The following MYO18B variants were observed in gnomAD, a reference collection of about 807,000 sequenced individuals.
The protein encoded by MYO18B is myosin XVIIIB.
In MYO18B, 204 loss-of-function variants were observed where a neutral mutation model predicts 273.0. The ratio of observed to expected loss-of-function variants is 0.75; its 90% CI spans 0.67 to 0.84. MYO18B has a LOEUF of 0.84. MYO18B is among the 40% of genes least tolerant of loss of function. The pLI, the probability that MYO18B is intolerant of heterozygous loss-of-function variation, is 0.00. For synonymous variants in MYO18B, 1,330 were observed against 1,305.7 expected, an observed-to-expected ratio of 1.02 and a Z score of -0.40; for missense variants, 3,212 against 3,287.6, an observed-to-expected ratio of 0.98 and a Z score of 0.56.
At chr22:25,866,189 A>G (rs917346603) in intron 21 of MYO18B, among the ~76,000 whole-genome samples, 3 of 133,582 alleles carry the variant, frequency 2.2e-5, no homozygotes, top group Non-Finnish European at 4.6e-5. Flanking sequence ...GAGCATTGCA[A>G]TTACTTTTCT....
intron 29 of MYO18B, chr22:25,899,484 G>A (rs1267481797): frequency 6.6e-6 from 1 of 152,198 alleles, no homozygotes; most frequent in Non-Finnish European, 1.5e-5. Context: ...GTAGGAAGGA[G>A]AATTATATTT....
At chr22:26,046,738 C>T in the MYO18B span, among the ~76,000 whole-genome samples, 13 of 152,326 alleles carry the variant, frequency 8.5e-5, no homozygotes, top group South Asian at 2.1e-4. Context: ...AGAATTCTTC[C>T]GTGGCTCCCT....
chr22:25,995,882 G>C (rs12170564), intron 40 of MYO18B, among the ~76,000 whole-genome samples: 1 of 152,122 alleles, frequency 6.6e-6, no homozygotes, highest in Non-Finnish European at 1.5e-5. Flanking sequence ...TTTTTCCCTT[G>C]ACTGGATCTC....
chr22:26,016,475 C>T (rs1935335120), intron 42 of MYO18B, among the ~76,000 whole-genome samples: 1 of 152,156 alleles, frequency 6.6e-6, no homozygotes, highest in African/African-American at 2.4e-5. Flanking sequence ...ATGGAGAACT[C>T]ACTTTAGATT....
At chr22:25,996,970 A>G (rs1210122329) in intron 40 of MYO18B, among the ~76,000 whole-genome samples, 5 of 152,106 alleles carry the variant, frequency 3.3e-5, no homozygotes, top group Non-Finnish European at 7.4e-5. Context: ...GTTTCTTAAA[A>G]TGCCCCAGTG....
intron 23 of MYO18B, among the ~76,000 whole-genome samples, chr22:25,875,569 G>A (rs910570583): frequency 6.6e-6 from 1 of 152,150 alleles, no homozygotes. Context: ...CAGACCAGCA[G>A]CATCAGCATC....
chr22:25,850,364 C>T (rs2090389166), intron 20 of MYO18B, among the ~76,000 whole-genome samples: 2 of 152,246 alleles, frequency 1.3e-5, no homozygotes, highest in African/African-American at 4.8e-5. Flanking sequence ...TTTGGCTACT[C>T]TCCGCTGCCT....
At chr22:25,911,432 G>A (rs917823915) in intron 33 of MYO18B, among the ~76,000 whole-genome samples, 25 of 152,198 alleles carry the variant, frequency 1.6e-4, no homozygotes, top group Non-Finnish European at 3.5e-4. Flanking sequence ...GGCAAATGTA[G>A]CTTTAAGCTC....
intron 42 of MYO18B, among the ~76,000 whole-genome samples, chr22:26,007,463 A>G (rs1934524086): frequency 6.6e-6 from 1 of 152,166 alleles, no homozygotes; most frequent in Admixed American, 6.5e-5. Context: ...CAGGAGGTAG[A>G]CCACTCACCT....
At chr22:26,015,878 A>G (rs1247148771) in intron 42 of MYO18B, among the ~76,000 whole-genome samples, 1 of 152,224 alleles carries the variant, frequency 6.6e-6, no homozygotes, top group Non-Finnish European at 1.5e-5. Context: ...AACTTAGTGC[A>G]TCTACCACCC....
chr22:26,020,718 T>A (rs2146986548), intron 42 of MYO18B, among the ~76,000 whole-genome samples: 1 of 152,242 alleles, frequency 6.6e-6, no homozygotes, highest in South Asian at 2.1e-4. Flanking sequence ...ATGCATCATC[T>A]CTCATTTCTA....
chr22:25,922,730 A>G (rs1009646814), intron 34 of MYO18B, among the ~76,000 whole-genome samples: 1 of 152,104 alleles, frequency 6.6e-6, no homozygotes, highest in African/African-American at 2.4e-5. Context: ...ATGATGACCA[A>G]CAGGTCCCCA....
chr22:25,958,009 G>A (rs2092874396), intron 39 of MYO18B, among the ~76,000 whole-genome samples: 1 of 151,170 alleles, frequency 6.6e-6, no homozygotes, highest in Admixed American at 6.6e-5. Flanking sequence ...CTGCCTCCTG[G>A]GTTCAATCAC....
In MYO18B at chr22:25,895,292, G is replaced by A. The variant is rs1229244138; in HGVS notation, c.4668+12G>A. The A allele has an allele frequency of 6.3e-7, 1 of 1,586,290 alleles. No homozygotes were observed. Among genetic ancestry groups the A allele is most frequent in the Non-Finnish European group, 8.6e-7 (1 of 1,166,288 alleles). On this transcript the variant is annotated intron_variant, in intron 28 of 43. Coordinates refer to ENST00000335473, the MANE Select transcript of MYO18B (RefSeq NM_032608.7). Reference sequence around the variant, plus strand: ...AGCTGGAGCAAAAGGTAAGATGTGGGGATAGTCTGGGCCACAGAAGTGTTA... The same window carrying A: ...AGCTGGAGCAAAAGGTAAGATGTGGAGATAGTCTGGGCCACAGAAGTGTTA...
intron 25 of MYO18B, among the ~76,000 whole-genome samples, chr22:25,885,619 G>T (rs1409161471): frequency 6.6e-6 from 1 of 152,074 alleles, no homozygotes; most frequent in African/African-American, 2.4e-5. Context: ...GCATGAAGCC[G>T]GACTGGATCG....
chr22:25,786,698 A>G (rs1002424367), intron 11 of MYO18B, among the ~76,000 whole-genome samples: 1 of 152,226 alleles, frequency 6.6e-6, no homozygotes, highest in African/African-American at 2.4e-5. Flanking sequence ...CAAAAGGAAC[A>G]GCATCTGCTC....
intron 42 of MYO18B, among the ~76,000 whole-genome samples, chr22:26,018,814 G>A (rs139536449): frequency 6.0e-4 from 91 of 152,270 alleles, no homozygotes; most frequent in Non-Finnish European, 1.2e-3. Context: ...TTAGCTGGAT[G>A]TGGTGGTGGC....
chr22:25,862,483 T>C (rs1283482899), intron 21 of MYO18B, among the ~76,000 whole-genome samples: 1 of 152,234 alleles, frequency 6.6e-6, no homozygotes, highest in Admixed American at 6.5e-5. Flanking sequence ...CTTCCTTTAA[T>C]GTAAGTGAAA....
chr22:25,937,879 C>G (rs759197012), intron 34 of MYO18B, among the ~76,000 whole-genome samples: 2 of 152,148 alleles, frequency 1.3e-5, no homozygotes, highest in Non-Finnish European at 2.9e-5. Flanking sequence ...GCCACCGCTC[C>G]CGGCCGACAT....
Sources: allele counts gnomAD v4.1 joint callset (sites outside exome capture counted in the v4.1 genomes callset), GRCh38; gene constraint gnomAD v4.1.1; transcripts MANE v1.5; gene names NCBI Gene and HGNC (gene_info 2026-07-23, HGNC 2026-07-21).